NASP: variants seen among roughly 807,000 people sequenced by gnomAD.
NASP encodes NASP histone chaperone.
NASP carries 24 observed loss-of-function variants against 89.5 expected under a neutral mutation model. The ratio of observed to expected loss-of-function variants is 0.27; its 90% confidence interval spans 0.19 to 0.38. The LOEUF (loss-of-function observed/expected upper bound fraction) is 0.38. NASP is among the 10% of genes least tolerant of loss of function. The pLI is 1.00. For synonymous variants in NASP, 306 were observed against 324.7 expected (o/e 0.94, Z 0.62); for missense variants, 848 against 921.4 (o/e 0.92, Z 1.03).
chr1:45,615,120 T>C lies in NASP; in HGVS notation c.1774T>C (p.Leu592=). Residue 592 remains leucine (L), a synonymous_variant, in exon 10 of 15, where the codon TTG becomes CTG. Coordinates refer to ENST00000350030, the MANE Select transcript of NASP (RefSeq NM_002482.4). ...LLAETHYQLG[L]AYGYNSQYDE... ...TGCAGAGACCCACTACCAGCTGGGCTTGGCTTATGGGTACAACTCTCAGTA... is the reference window on the plus strand; with the variant it reads ...TGCAGAGACCCACTACCAGCTGGGCCTGGCTTATGGGTACAACTCTCAGTA... 1 of 1,614,162 alleles carries C rather than the reference T, an allele frequency of 6.2e-7. No individual in the cohort carries two copies. The highest frequency in any genetic ancestry group is 1.1e-5 in the South Asian group (1 of 91,074).
At chr1:45,601,548 A>G (rs1643843514) in intron 2 of NASP, among the ~76,000 whole-genome samples, 1 of 152,104 alleles carries the variant, frequency 6.6e-6, no homozygotes, top group Non-Finnish European at 1.5e-5. Context: ...TGCCAATACT[A>G]CATTGTCTTA....
chr1:45,586,935 C>A (rs1644559265), intron 1 of NASP, among the ~76,000 whole-genome samples: 1 of 152,032 alleles, frequency 6.6e-6, no homozygotes, highest in African/African-American at 2.4e-5. Context: ...TAGTCTCAAG[C>A]AATCCTTCCA....
At chr1:45,608,547 C>CT (rs1643949589) in intron 6 of NASP, among the ~76,000 whole-genome samples, 2 of 152,146 alleles carry the variant, frequency 1.3e-5, no homozygotes, top group South Asian at 4.1e-4. Flanking sequence ...GGCTTATAAA[C>CT]TAACACTTTT....
chr1:45,613,967 C>G (rs566644091), intron 7 of NASP, 129 bp from the exon 8 acceptor site: 35 of 662,524 alleles, frequency 5.3e-5, no homozygotes, highest in Admixed American at 2.8e-4. Context: ...TGGACCCATT[C>G]TCTAGATTTT....
chr1:45,589,990 A>C (rs946156867), intron 1 of NASP, among the ~76,000 whole-genome samples: 4 of 152,202 alleles, frequency 2.6e-5, no homozygotes, highest in Admixed American at 6.5e-5. Flanking sequence ...AGTAGTCCTC[A>C]GAGCATGGTT....
intron 6 of NASP, 23 bp from the exon 7 acceptor site, chr1:45,613,146 T>A (rs760783500): frequency 6.3e-7 from 1 of 1,597,568 alleles, no homozygotes; most frequent in South Asian, 1.1e-5. Flanking sequence ...ATATTCTCAA[T>A]ACTGAGGAAT....
chr1:45,613,087 G>A, intron 6 of NASP, 82 bp from the exon 7 acceptor site: 2 of 1,504,890 alleles, frequency 1.3e-6, no homozygotes, highest in East Asian at 2.4e-5. Flanking sequence ...CTGAATATAG[G>A]TTGAGACGTG....
At chr1:45,585,300 T>G (rs1644516898) in intron 1 of NASP, among the ~76,000 whole-genome samples, 2 of 152,186 alleles carry the variant, frequency 1.3e-5, no homozygotes, top group African/African-American at 4.8e-5. Context: ...GTTAGTTGCC[T>G]TCCCTGTAAA....
chr1:45,613,503 G>T (rs141730399), intron 7 of NASP, among the ~76,000 whole-genome samples: 19 of 152,262 alleles, frequency 1.2e-4, no homozygotes, highest in African/African-American at 4.1e-4. Context: ...TTTTTTAAGA[G>T]ATAGAATCTC....
At chr1:45,588,720 C>T (rs943092737) in intron 1 of NASP, 18 of 390,684 alleles carry the variant, frequency 4.6e-5, no homozygotes, top group Middle Eastern at 4.4e-4. Context: ...GGGCAGATCA[C>T]GAGGTCAGGA....
rs1259323738 is a variant in NASP, at chr1:45,587,684, ATAT to A, written c.59+3480_59+3482del. Among the ~76,000 whole-genome samples the A allele has an allele frequency of 7.2e-3, 771 of 107,582 alleles. 88 individuals are homozygous for A. The highest frequency in any genetic ancestry group is 0.025 in the African/African-American group (690 of 27,658). The allele number at this position is 107,582 out of a possible 152,430, so 70.6% of individuals were successfully genotyped here. A position where few individuals can be genotyped will look rare whatever the true frequency, so the allele number is the denominator to read the frequency against. On this transcript the variant is annotated intron_variant, in intron 1 of 14. Transcript: ENST00000350030. Reference sequence around the variant, plus strand: ...TTCATATATATATATATATATATATATATAATTAATTTTTTGGAGAGAGAGTCT... The same window carrying A: ...TTCATATATATATATATATATATATAAATTAATTTTTTGGAGAGAGAGTCT...
intron 3 of NASP, among the ~76,000 whole-genome samples, chr1:45,604,569 C>T (rs1481076764): frequency 1.3e-5 from 2 of 152,170 alleles, no homozygotes; most frequent in African/African-American, 2.4e-5. Context: ...TACATCATGC[C>T]TTTCCATGGG....
rs200337840 is a variant in NASP, at chr1:45,614,076, A to G, written c.1507-20A>G. ...ATTTGAAAAAGATGCCTATCTTTTT[A>G]TTATTTGGTTATACTTTAGTCTCTT... On this transcript the variant is annotated intron_variant, in intron 7 of 14. Transcript: ENST00000350030. 1 of 1,517,102 alleles carries G rather than the reference A, an allele frequency of 6.6e-7. No homozygotes were observed. The highest frequency in any genetic ancestry group is 9.1e-7 in the Non-Finnish European group (1 of 1,097,802). The allele number at this position is 1,517,102 out of a possible 1,614,324, so 94.0% of individuals were successfully genotyped here.
chr1:45,612,468 A>ACT (rs1308546956), intron 6 of NASP: 1 of 152,216 alleles, frequency 6.6e-6, no homozygotes, highest in Non-Finnish European at 1.5e-5. Flanking sequence ...ATTGATTAGG[A>ACT]GCCTGACCTT....
At chr1:45,596,988 A>G (rs940945068) in intron 2 of NASP, among the ~76,000 whole-genome samples, 20 of 150,558 alleles carry the variant, frequency 1.3e-4, no homozygotes, top group Non-Finnish European at 2.5e-4. Context: ...GTCTCAAAAA[A>G]AAGAAAAAAA....
chr1:45,614,070 C>T, intron 7 of NASP, 26 bp from the exon 8 acceptor site: 1 of 1,495,088 alleles, frequency 6.7e-7, no homozygotes, highest in Non-Finnish European at 9.3e-7. Flanking sequence ...AGATGCCTAT[C>T]TTTTTATTAT....
chr1:45,595,175 GTGTGTGTGTGTGTT>G (rs1248780986), intron 2 of NASP, among the ~76,000 whole-genome samples: 2 of 144,558 alleles, frequency 1.4e-5, no homozygotes, highest in South Asian at 4.4e-4. Context: ...GTGTGTGTGT[GTGTGTGTGTGTGTT>G]TTAGAGACAG....
At position 45,607,304 on chromosome 1, in the gene NASP, G is replaced by C. The variant is rs185624480; in HGVS notation, c.410-17G>C. 1.7e-4 allele frequency: 275 copies of C among 1,610,594 alleles called. 1 individual carries two copies. In the African/African-American group the frequency reaches 3.3e-3, roughly 19 times the overall value. Reference sequence around the variant, plus strand: ...ACTCGAAGACATGTTTATGCTTCATGTTCTTTAACCATGTAGAGGAAGCAA... The same window carrying C: ...ACTCGAAGACATGTTTATGCTTCATCTTCTTTAACCATGTAGAGGAAGCAA... On this transcript the variant is annotated splice_polypyrimidine_tract_variant and intron_variant, in intron 5 of 14. Transcript: ENST00000350030.
chr1:45,593,662 A>G (rs1398282829), intron 2 of NASP, among the ~76,000 whole-genome samples: 24 of 150,030 alleles, frequency 1.6e-4, no homozygotes, highest in Admixed American at 1.5e-3. Context: ...AATGAGCTGT[A>G]CTTTTTTTTT....
Sources: allele counts gnomAD v4.1 joint callset (sites outside exome capture counted in the v4.1 genomes callset), GRCh38; gene constraint gnomAD v4.1.1; transcripts MANE v1.5; gene names NCBI Gene and HGNC (gene_info 2026-07-23, HGNC 2026-07-21).